The following SRD5A2 variants were observed in gnomAD, a reference collection of about 807,000 sequenced individuals.
The protein encoded by SRD5A2 is 3-oxo-5-alpha-steroid 4-dehydrogenase 2.
In SRD5A2, 30 loss-of-function variants were observed where a neutral mutation model predicts 27.4. The ratio of observed to expected loss-of-function variants is 1.10; its 90% CI spans 0.82 to 1.49. SRD5A2 has a LOEUF of 1.49. SRD5A2 is among the 40% of genes most tolerant of loss of function. The pLI is 0.00. For synonymous variants in SRD5A2, 141 were observed against 133.6 expected (o/e 1.06, Z -0.38); for missense variants, 348 against 323.4 (o/e 1.08, Z -0.58).
At chr2:31,583,122 T>TATTCACTC (rs1279940577), upstream of SRD5A2, among the ~76,000 whole-genome samples, 2 of 152,228 alleles carry the variant, frequency 1.3e-5, no homozygotes. Flanking sequence ...ATCTTAACAA[T>TATTCACTC]ATTCACTCAT....
chr2:31,543,671 G>A (rs903798116), intron 1 of SRD5A2, among the ~76,000 whole-genome samples: 14 of 152,112 alleles, frequency 9.2e-5, no homozygotes, highest in African/African-American at 3.4e-4. Flanking sequence ...TTATGTTATT[G>A]AAATTAAGCT....
chr2:31,580,527 T>C, intron 1 of SRD5A2, 93 bp downstream of exon 1: 28 of 1,390,810 alleles, frequency 2.0e-5, no homozygotes, highest in Non-Finnish European at 2.6e-5. Context: ...GCTGCCTCCT[T>C]GGCGTTCCTC....
At chr2:31,588,555 A>T in the SRD5A2 span, among the ~76,000 whole-genome samples, 1 of 152,226 alleles carries the variant, frequency 6.6e-6, no homozygotes, top group African/African-American at 2.4e-5. Context: ...GAAGAGAGAA[A>T]TAAAGACTTT....
At chr2:31,653,894 G>A in the SRD5A2 span, among the ~76,000 whole-genome samples, 416 of 152,188 alleles carry the variant, frequency 2.7e-3, 3 homozygotes, top group African/African-American at 9.6e-3. Flanking sequence ...CCTGACCTCA[G>A]GTGATCTGCC....
At chr2:31,533,319 T>G (rs1458533039) in intron 2 of SRD5A2, among the ~76,000 whole-genome samples, 3 of 152,064 alleles carry the variant, frequency 2.0e-5, no homozygotes, top group African/African-American at 7.2e-5. Context: ...GTTGGGAAAT[T>G]GAAAAGACCA....
At chr2:31,532,887 G>T (rs567872508) in intron 2 of SRD5A2, among the ~76,000 whole-genome samples, 1 of 151,976 alleles carries the variant, frequency 6.6e-6, no homozygotes, top group Admixed American at 6.6e-5. Context: ...CTTTGAGGAG[G>T]TGCAAATTGG....
chr2:31,594,318 A>T, the SRD5A2 span, among the ~76,000 whole-genome samples: 1 of 152,196 alleles, frequency 6.6e-6, no homozygotes, highest in African/African-American at 2.4e-5. Flanking sequence ...CACCATACAC[A>T]TAAAGACTCA....
chr2:31,566,427 G>A (rs1176205734), intron 1 of SRD5A2, among the ~76,000 whole-genome samples: 6 of 152,128 alleles, frequency 3.9e-5, no homozygotes, highest in Non-Finnish European at 5.9e-5. Flanking sequence ...CTAGTTCTGA[G>A]ATGATCAATA....
chr2:31,630,587 A>T, the SRD5A2 span, among the ~76,000 whole-genome samples: 1 of 152,206 alleles, frequency 6.6e-6, no homozygotes, highest in Non-Finnish European at 1.5e-5. Flanking sequence ...GGATGGCCCA[A>T]ATGCATTCAA....
intron 1 of SRD5A2, among the ~76,000 whole-genome samples, chr2:31,578,386 T>C (rs28383001): frequency 6.6e-6 from 1 of 152,160 alleles, no homozygotes; most frequent in Non-Finnish European, 1.5e-5. Flanking sequence ...GTTTGAACTC[T>C]GATTCCTCGT....
At chr2:31,560,065 C>T (rs2300696) in intron 1 of SRD5A2, among the ~76,000 whole-genome samples, 5,979 of 148,120 alleles carry the variant, frequency 0.04, 270 homozygotes, top group African/African-American at 0.086. Flanking sequence ...TCCCCCCCCC[C>T]CCCTTTTTTT....
chr2:31,609,705 A>C, the SRD5A2 span, among the ~76,000 whole-genome samples: 1 of 152,144 alleles, frequency 6.6e-6, no homozygotes, highest in African/African-American at 2.4e-5. Flanking sequence ...ATTTTAAATT[A>C]GGCAGTGGTT....
Position 31,554,924 on chromosome 2 carries a change from CGTGTGTGTGTGT to C in SRD5A2, c.282-21170_282-21159del, listed in dbSNP as rs59697517. Among the ~76,000 whole-genome samples the C allele has an allele frequency of 5.6e-3, 739 of 132,198 alleles. 6 individuals are homozygous for C. The highest frequency in any genetic ancestry group is 8.8e-3 in the Non-Finnish European group (543 of 61,608). The allele number at this position is 132,198 out of a possible 152,430, so 86.7% of individuals were successfully genotyped here. A position where few individuals can be genotyped will look rare whatever the true frequency, so the allele number is the denominator to read the frequency against. ...CTGGTAAGATGGCCTCTATCCTGATCGTGTGTGTGTGTGTGTGTGTGTGTGTGTGTGTGTGTG... is the reference window on the plus strand; with the variant it reads ...CTGGTAAGATGGCCTCTATCCTGATCGTGTGTGTGTGTGTGTGTGTGTGTG... On this transcript the variant is annotated intron_variant, in intron 1 of 4. Transcript: ENST00000622030.
the SRD5A2 span, among the ~76,000 whole-genome samples, chr2:31,628,340 C>T: frequency 1.3e-5 from 2 of 152,034 alleles, no homozygotes; most frequent in Admixed American, 1.3e-4. Flanking sequence ...TTCTTCATCC[C>T]TCTACTTTGA....
intron 1 of SRD5A2, chr2:31,562,968 AG>A (rs1666657126): frequency 6.6e-6 from 1 of 152,160 alleles, no homozygotes; most frequent in Non-Finnish European, 1.5e-5. Flanking sequence ...AAAGAACAAA[AG>A]CACAATCTGA....
At chr2:31,589,824 T>C in the SRD5A2 span, among the ~76,000 whole-genome samples, 2 of 151,940 alleles carry the variant, frequency 1.3e-5, no homozygotes, top group African/African-American at 2.4e-5. Context: ...AAGGGAGGCC[T>C]GAGAGCCCTG....
chr2:31,650,933 C>A, the SRD5A2 span, among the ~76,000 whole-genome samples: 1 of 152,070 alleles, frequency 6.6e-6, no homozygotes. Context: ...TCATGAGGGG[C>A]GACCAACATA....
At chr2:31,565,269 A>G (rs973084441) in intron 1 of SRD5A2, among the ~76,000 whole-genome samples, 1 of 152,004 alleles carries the variant, frequency 6.6e-6, no homozygotes, top group African/African-American at 2.4e-5. Flanking sequence ...GAATATAAAT[A>G]GGAAATAGGA....
chr2:31,643,903 T>C, the SRD5A2 span, among the ~76,000 whole-genome samples: 2 of 152,156 alleles, frequency 1.3e-5, no homozygotes, highest in Non-Finnish European at 2.9e-5. Context: ...CTAATAATTA[T>C]AGAAGGATAG....
Sources: allele counts gnomAD v4.1 joint callset (sites outside exome capture counted in the v4.1 genomes callset), GRCh38; gene constraint gnomAD v4.1.1; transcripts MANE v1.5; gene names NCBI Gene and HGNC (gene_info 2026-07-23, HGNC 2026-07-21).